Variants in ZNF821 observed in about 807,000 individuals in gnomAD.
ZNF821 encodes the protein zinc finger protein 821.
In ZNF821, 16 loss-of-function variants were observed where a neutral mutation model predicts 44.3. That is an observed-to-expected ratio of 0.36 (90% CI 0.24 to 0.55). The LOEUF (loss-of-function observed/expected upper bound fraction) is 0.55, where lower values mean the gene tolerates loss of function less well. Ranked by LOEUF, ZNF821 falls within the 20% of genes least tolerant of loss-of-function variation. ZNF821 has a pLI of 0.86. For missense variants in ZNF821, 436 were observed against 547.6 expected (o/e 0.80, Z 2.03); for synonymous variants, 204 against 197.6 (o/e 1.03, Z -0.27).
intron 3 of ZNF821, among the ~76,000 whole-genome samples, chr16:71,876,609 T>C (rs2035847598): frequency 6.6e-6 from 1 of 152,080 alleles, no homozygotes; most frequent in African/African-American, 2.4e-5. Flanking sequence ...TTTCTTTTTT[T>C]GTTTTTGGAG....
In ZNF821 at chr16:71,883,781, T is replaced by A. The variant is rs1834034; in HGVS notation, c.-141+127A>T. The stretch of plus-strand genomic sequence containing the variant: ...GGAGGGTGAGCCCGGGCTGCCCCCC[T>A]AGGCCGGAGCTGGCCCCCGGCCCTC... On this transcript the variant is annotated intron_variant, in intron 1 of 7. Coordinates refer to ENST00000425432, the MANE Select transcript of ZNF821 (RefSeq NM_001201552.2). The A allele has an allele frequency of 1.8e-3, 270 of 152,578 alleles. 1 individual carries two copies. The highest frequency in any genetic ancestry group is 3.6e-3 in the Non-Finnish European group (243 of 68,314). 9.5% of individuals were successfully genotyped at this position (152,578 alleles called of 1,614,324 possible). A position where few individuals can be genotyped will look rare whatever the true frequency, so the allele number is the denominator to read the frequency against.
At chr16:71,885,335 T>G (rs2036808917), upstream of ZNF821, 1 of 152,342 alleles carries the variant, frequency 6.6e-6, no homozygotes, top group Admixed American at 6.5e-5. Flanking sequence ...AAGATCTGGC[T>G]TTGAGCCCCA....
chr16:71,881,044 A>C (rs2036369582), intron 2 of ZNF821, among the ~76,000 whole-genome samples: 1 of 152,188 alleles, frequency 6.6e-6, no homozygotes, highest in Admixed American at 6.5e-5. Context: ...AAAGACATAG[A>C]ATAAAAAGGG....
chr16:71,869,278 A>T (rs2034911260), intron 3 of ZNF821, among the ~76,000 whole-genome samples: 1 of 152,238 alleles, frequency 6.6e-6, no homozygotes, highest in African/African-American at 2.4e-5. Flanking sequence ...GTACGCAGGC[A>T]TACAGGCTCA....
intron 3 of ZNF821, among the ~76,000 whole-genome samples, chr16:71,876,692 C>T (rs895136229): frequency 6.6e-6 from 1 of 152,114 alleles, no homozygotes; most frequent in African/African-American, 2.4e-5. Context: ...ACTGCAGCCT[C>T]GACCTTTTGG....
intron 1 of ZNF821, chr16:71,894,552 C>G: frequency 1.3e-3 from 310 of 245,882 alleles, no homozygotes; most frequent in East Asian, 2.1e-3. Context: ...GGCCCTTTTT[C>G]TTTTTTTCTG....
chr16:71,877,964 AATATATATGTATATATATTTTATAT>A (rs1468384111), intron 3 of ZNF821, among the ~76,000 whole-genome samples: 29 of 147,364 alleles, frequency 2.0e-4, no homozygotes, highest in South Asian at 1.5e-3. Flanking sequence ...AATATATATA[AATATATATGTATATATATTTTATAT>A]ATATATACAC....
intron 2 of ZNF821, 155 bp from the exon 3 acceptor site, chr16:71,880,178 A>C: frequency 2.4e-6 from 1 of 423,946 alleles, no homozygotes; most frequent in Non-Finnish European, 4.1e-6. Flanking sequence ...AAATGAATAA[A>C]TCTCTAGCCT....
intron 2 of ZNF821, 57 bp downstream of exon 2, chr16:71,883,154 T>C (rs999000255): frequency 4.4e-6 from 2 of 456,322 alleles, no homozygotes; most frequent in Admixed American, 2.4e-5. Flanking sequence ...CCACAGACTT[T>C]GGCAAGAAAA....
At chr16:71,868,627 C>G (rs1221519721) in intron 3 of ZNF821, among the ~76,000 whole-genome samples, 1 of 152,190 alleles carries the variant, frequency 6.6e-6, no homozygotes. Flanking sequence ...AAATTAACAA[C>G]TGGTTGAATA....
chr16:71,882,250 C>G (rs1167707429), intron 2 of ZNF821: 3 of 125,720 alleles, frequency 2.4e-5, no homozygotes, highest in Non-Finnish European at 3.2e-5. Flanking sequence ...GCCTGGGCGA[C>G]AGAACGAGAC....
chr16:71,866,550 TA>T (rs1351795066), intron 4 of ZNF821, among the ~76,000 whole-genome samples: 1 of 152,166 alleles, frequency 6.6e-6, no homozygotes, highest in African/African-American at 2.4e-5. Context: ...TTATATAATA[TA>T]AAGTGATATA....
chr16:71,870,708 G>A (rs2035098465), intron 3 of ZNF821, among the ~76,000 whole-genome samples: 1 of 152,108 alleles, frequency 6.6e-6, no homozygotes, highest in Non-Finnish European at 1.5e-5. Flanking sequence ...TTGAACTCCT[G>A]ACCTCAAGTG....
intron 1 of ZNF821, among the ~76,000 whole-genome samples, chr16:71,890,269 T>C (rs1321110728): frequency 6.6e-6 from 1 of 152,124 alleles, no homozygotes. Flanking sequence ...TTTTTTTGTT[T>C]CATTGTATAT....
At chr16:71,882,018 C>T (rs1125850) in intron 2 of ZNF821, 10,365 of 151,898 alleles carry the variant, frequency 0.068, 452 homozygotes, top group Middle Eastern at 0.11. Flanking sequence ...GCCTGTAATC[C>T]CAGCACTTTG....
chr16:71,883,041 C>T (rs2142486245), intron 2 of ZNF821, 170 bp downstream of exon 2: 2 of 448,552 alleles, frequency 4.5e-6, no homozygotes, highest in Non-Finnish European at 8.9e-6. Flanking sequence ...GCAGTTCTGT[C>T]TGTCTTCAGA....
chr16:71,876,415 G>T (rs2035823192), intron 3 of ZNF821, among the ~76,000 whole-genome samples: 1 of 151,816 alleles, frequency 6.6e-6, no homozygotes, highest in African/African-American at 2.4e-5. Flanking sequence ...TCTTGGCCAG[G>T]CTGGTCTCAA....
At chr16:71,866,143 G>C (rs1043685233) in intron 4 of ZNF821, among the ~76,000 whole-genome samples, 1 of 152,068 alleles carries the variant, frequency 6.6e-6, no homozygotes, top group Non-Finnish European at 1.5e-5. Flanking sequence ...GTGAGCAAGA[G>C]AGAAATATAG....
intron 1 of ZNF821, 95 bp from the exon 2 acceptor site, chr16:71,883,368 G>T (rs1265644590): frequency 1.4e-5 from 5 of 364,640 alleles, no homozygotes; most frequent in Non-Finnish European, 2.7e-5. Context: ...CTAATCAGCC[G>T]AGATGGTCCC....
Sources: allele counts gnomAD v4.1 joint callset (sites outside exome capture counted in the v4.1 genomes callset), GRCh38; gene constraint gnomAD v4.1.1; transcripts MANE v1.5; gene names NCBI Gene and HGNC (gene_info 2026-07-23, HGNC 2026-07-21).